The following SCUBE1 variants were observed in gnomAD, a reference collection of about 807,000 sequenced individuals.
SCUBE1 encodes the protein signal peptide, CUB domain and EGF like domain containing 1.
A neutral mutation model predicts 124.4 loss-of-function variants in SCUBE1; 59 were observed. The ratio of observed to expected loss-of-function variants is 0.47; its 90% confidence interval spans 0.38 to 0.59. The LOEUF (loss-of-function observed/expected upper bound fraction) is 0.59. SCUBE1 is among the 20% of genes least tolerant of loss of function. SCUBE1 has a pLI of 0.00. For synonymous variants in SCUBE1, 545 were observed against 550.9 expected, an observed-to-expected ratio of 0.99 and a Z score of 0.15; for missense variants, 1,150 against 1,371.2, an observed-to-expected ratio of 0.84 and a Z score of 2.55.
chr22:43,225,500 G>C (rs1922266251), intron 10 of SCUBE1, among the ~76,000 whole-genome samples: 1 of 151,598 alleles, frequency 6.6e-6, no homozygotes, highest in African/African-American at 2.4e-5. Flanking sequence ...GAAGCGGCCG[G>C]GCTCGGTGGC....
At chr22:43,323,348 C>T (rs533201290) in intron 2 of SCUBE1, among the ~76,000 whole-genome samples, 3 of 152,238 alleles carry the variant, frequency 2.0e-5, no homozygotes, top group African/African-American at 7.2e-5. Context: ...TACTCACCCT[C>T]AACCTATCCA....
At chr22:43,270,213 T>C (rs1263864158) in intron 4 of SCUBE1, 1 of 152,212 alleles carries the variant, frequency 6.6e-6, no homozygotes, top group Non-Finnish European at 1.5e-5. Context: ...ACAAGGAGTA[T>C]ATAAAACAAA....
At chr22:43,232,784 C>T (rs905187689) in intron 7 of SCUBE1, among the ~76,000 whole-genome samples, 2 of 152,230 alleles carry the variant, frequency 1.3e-5, no homozygotes, top group African/African-American at 4.8e-5. Context: ...ATGTCTTCCT[C>T]ACCCTAAACA....
At chr22:43,231,707 G>T in intron 8 of SCUBE1, 46 bp downstream of exon 8, 2 of 1,532,768 alleles carry the variant, frequency 1.3e-6, no homozygotes, top group South Asian at 1.2e-5. Flanking sequence ...GAAGGGGCAC[G>T]ATCCCGCTGG....
At chr22:43,230,105 C>T (rs887109617) in intron 8 of SCUBE1, among the ~76,000 whole-genome samples, 2 of 152,196 alleles carry the variant, frequency 1.3e-5, no homozygotes, top group Non-Finnish European at 2.9e-5. Context: ...GGATCTGGGA[C>T]CTCCGGGTAC....
At chr22:43,251,146 G>T (rs1240361876) in intron 6 of SCUBE1, among the ~76,000 whole-genome samples, 2 of 152,234 alleles carry the variant, frequency 1.3e-5, no homozygotes, top group East Asian at 1.9e-4. Flanking sequence ...GGGGCAGAGG[G>T]AATGGGCTGA....
At chr22:43,326,275 G>T (rs191988636) in intron 2 of SCUBE1, among the ~76,000 whole-genome samples, 1 of 152,164 alleles carries the variant, frequency 6.6e-6, no homozygotes, top group Non-Finnish European at 1.5e-5. Context: ...CTGGGCGCTA[G>T]CACGTCCTCT....
chr22:43,222,575 C>T (rs1922135777), intron 12 of SCUBE1, 63 bp downstream of exon 12: 1 of 1,274,852 alleles, frequency 7.8e-7, no homozygotes, highest in Non-Finnish European at 1.1e-6. Context: ...CCCCCGCCAG[C>T]ATGTTGCTGG....
In SCUBE1 at chr22:43,210,128, TG is replaced by T; in HGVS notation, c.2495del (p.Pro832GlnfsTer26). On this transcript the variant is annotated frameshift_variant, in exon 19 of 22. Transcript: ENST00000360835. LOFTEE classifies it high-confidence loss of function. This position sits in a 1 kb window ranked among gnomAD's most constrained non-coding sequence, Gnocchi z 4.5. ...AECVWHIAPP[P>X]KRRILIVVPE... ...GGACCACGATGAGGATCCTGCGCTT[TG>T]GGGGAGGCGCGATGTGCCAGACGCA... 1 of 1,612,636 alleles carries T rather than the reference TG, an allele frequency of 6.2e-7. No individual in the cohort carries two copies. Among genetic ancestry groups the T allele is most frequent in the Non-Finnish European group, 8.5e-7 (1 of 1,179,510 alleles).
intron 10 of SCUBE1, among the ~76,000 whole-genome samples, 186 bp downstream of exon 10, chr22:43,227,188 C>T (rs981680672): frequency 3.9e-5 from 6 of 152,218 alleles, no homozygotes; most frequent in Non-Finnish European, 5.9e-5. Flanking sequence ...CTGGGACCCC[C>T]TCCTTTTCTG....
intron 4 of SCUBE1, among the ~76,000 whole-genome samples, chr22:43,290,683 C>T (rs1601864281): frequency 6.6e-6 from 1 of 152,244 alleles, no homozygotes; most frequent in Non-Finnish European, 1.5e-5. Context: ...AGTTGGCACA[C>T]AGCCTGGATA....
intron 4 of SCUBE1, among the ~76,000 whole-genome samples, chr22:43,279,584 T>C (rs1924679217): frequency 6.6e-6 from 1 of 152,210 alleles, no homozygotes. Context: ...TAAATTTCTA[T>C]CTTTAGAAAT....
chr22:43,229,659 A>T (rs1922474143), intron 8 of SCUBE1, among the ~76,000 whole-genome samples: 1 of 152,182 alleles, frequency 6.6e-6, no homozygotes, highest in African/African-American at 2.4e-5. Flanking sequence ...TTTCTTGAGA[A>T]AATAAGGAAA....
At chr22:43,334,026 G>C (rs997920674) in intron 2 of SCUBE1, among the ~76,000 whole-genome samples, 1 of 152,176 alleles carries the variant, frequency 6.6e-6, no homozygotes, top group Non-Finnish European at 1.5e-5. Flanking sequence ...ACAGCAAAGA[G>C]CACAGTCAGT....
At chr22:43,301,070 G>C (rs1028088762) in intron 3 of SCUBE1, among the ~76,000 whole-genome samples, 1 of 152,190 alleles carries the variant, frequency 6.6e-6, no homozygotes, top group African/African-American at 2.4e-5. Flanking sequence ...AGTTGCTTCA[G>C]GCAAAACACC....
At chr22:43,215,523 G>C (rs1213949485) in intron 15 of SCUBE1, among the ~76,000 whole-genome samples, 2 of 152,244 alleles carry the variant, frequency 1.3e-5, no homozygotes, top group Non-Finnish European at 1.5e-5. Flanking sequence ...ATCAATCACA[G>C]AGAGAAAATG....
At chr22:43,249,770 C>A (rs367855978) in intron 6 of SCUBE1, among the ~76,000 whole-genome samples, 19 of 152,364 alleles carry the variant, frequency 1.2e-4, no homozygotes, top group East Asian at 7.7e-4. Flanking sequence ...GACAGTGGGC[C>A]CTGAGTGCAG....
chr22:43,274,867 C>T (rs139046), intron 4 of SCUBE1, among the ~76,000 whole-genome samples: 1 of 151,986 alleles, frequency 6.6e-6, no homozygotes, highest in Non-Finnish European at 1.5e-5. Context: ...GGGGCGGCAG[C>T]GGGTACTTCT....
chr22:43,324,176 G>T (rs1479385123), intron 2 of SCUBE1, among the ~76,000 whole-genome samples: 1 of 152,162 alleles, frequency 6.6e-6, no homozygotes, highest in Admixed American at 6.5e-5. Flanking sequence ...ATTATTAACA[G>T]CAGTTATTAA....
Sources: gnomAD v4.1 joint callset for allele counts (sites outside exome capture counted in the v4.1 genomes callset) on GRCh38, gnomAD v4.1.1 for gene constraint, Gnocchi (gnomAD v3.1) non-coding constraint, MANE v1.5 for transcripts, NCBI Gene and HGNC (gene_info 2026-07-23, HGNC 2026-07-21) for gene names.